The following ARHGAP15 variants were observed in gnomAD, a reference collection of about 807,000 sequenced individuals.
The protein encoded by ARHGAP15 is rho GTPase-activating protein 15.
Under a neutral mutation model 63.7 loss-of-function variants are expected in ARHGAP15, and 51 were observed. That is an observed-to-expected ratio of 0.80 (90% confidence interval 0.64 to 1.01). The LOEUF (loss-of-function observed/expected upper bound fraction) is 1.01. ARHGAP15 is among the 50% of genes least tolerant of loss of function. The probability of loss-of-function intolerance (pLI) is 0.00; values close to 1 mark genes in which losing one functional copy is unlikely to be tolerated. For missense variants in ARHGAP15, 560 were observed against 564.6 expected, an observed-to-expected ratio of 0.99 and a Z score of 0.08; for synonymous variants, 191 against 193.8, an observed-to-expected ratio of 0.99 and a Z score of 0.12.
chr2:143,256,302 G>A (rs1680424706), intron 6 of ARHGAP15, among the ~76,000 whole-genome samples: 1 of 152,204 alleles, frequency 6.6e-6, no homozygotes, highest in African/African-American at 2.4e-5. Context: ...GTAAATATCT[G>A]TGAAATGTAA....
chr2:143,384,848 C>A (rs988289555), intron 6 of ARHGAP15, among the ~76,000 whole-genome samples: 3 of 152,156 alleles, frequency 2.0e-5, no homozygotes, highest in Non-Finnish European at 2.9e-5. Context: ...CCTTACCTTA[C>A]CCCATTATGG....
chr2:143,729,345 A>T (rs143740644), intron 13 of ARHGAP15, among the ~76,000 whole-genome samples: 50 of 152,314 alleles, frequency 3.3e-4, no homozygotes, highest in African/African-American at 1.2e-3. Flanking sequence ...TTCACTGGTC[A>T]TTATTTCCTG....
chr2:143,375,430 C>A (rs540888969), intron 6 of ARHGAP15, among the ~76,000 whole-genome samples: 35 of 152,238 alleles, frequency 2.3e-4, no homozygotes, highest in South Asian at 2.1e-4. Flanking sequence ...TTCAGAACAA[C>A]ATAGCCCAAG....
rs184082643 is a variant in ARHGAP15, at chr2:143,323,584, T to C, written c.474+72984T>C. Among the ~76,000 whole-genome samples, 98 of 152,244 alleles carry C rather than the reference T, an allele frequency of 6.4e-4. 1 individual carries two copies. The highest frequency in any genetic ancestry group is 6.3e-3 in the Admixed American group (97 of 15,284). ...AAATGATTCAGTGGCCCATTCTGTT[T>C]TATTATATTTTCTAATTAAAAAGAA... On this transcript the variant is annotated intron_variant, in intron 6 of 13. Transcript: ENST00000295095.
At chr2:143,739,485 T>C (rs553755771) in intron 13 of ARHGAP15, among the ~76,000 whole-genome samples, 20 of 152,186 alleles carry the variant, frequency 1.3e-4, no homozygotes, top group East Asian at 9.7e-4. Flanking sequence ...AGGCAAGAAA[T>C]AGCGCCCAGA....
intron 3 of ARHGAP15, among the ~76,000 whole-genome samples, chr2:143,202,558 G>T (rs1187876673): frequency 1.3e-5 from 2 of 151,916 alleles, no homozygotes; most frequent in South Asian, 2.1e-4. Context: ...TCCAAGATGA[G>T]AAGGCAAGAG....
At chr2:143,329,560 C>T (rs1684412188) in intron 6 of ARHGAP15, among the ~76,000 whole-genome samples, 1 of 152,116 alleles carries the variant, frequency 6.6e-6, no homozygotes, top group Non-Finnish European at 1.5e-5. Flanking sequence ...CCTGTGAGAT[C>T]TCAAAGAGAG....
At chr2:143,385,499 T>A (rs1687242322) in intron 6 of ARHGAP15, among the ~76,000 whole-genome samples, 1 of 152,170 alleles carries the variant, frequency 6.6e-6, no homozygotes, top group Non-Finnish European at 1.5e-5. Context: ...TGGACACTCT[T>A]ACCAGCAGGC....
intron 9 of ARHGAP15, among the ~76,000 whole-genome samples, chr2:143,496,633 A>T (rs568613673): frequency 6.6e-6 from 1 of 152,354 alleles, no homozygotes; most frequent in East Asian, 1.9e-4. Context: ...AGCAAACAAC[A>T]ATGATAATCA....
At chr2:143,254,507 A>G (rs544368416) in intron 6 of ARHGAP15, among the ~76,000 whole-genome samples, 15 of 152,126 alleles carry the variant, frequency 9.9e-5, no homozygotes, top group Non-Finnish European at 2.1e-4. Context: ...AACCTTTCTG[A>G]GTTAAATATT....
At chr2:143,476,581 C>T (rs564917788) in intron 8 of ARHGAP15, among the ~76,000 whole-genome samples, 12 of 152,232 alleles carry the variant, frequency 7.9e-5, no homozygotes, top group East Asian at 7.7e-4. Context: ...ACTTTCTTTC[C>T]CACAACTTAA....
At chr2:143,732,710 A>T (rs1685587051) in intron 13 of ARHGAP15, among the ~76,000 whole-genome samples, 2 of 151,956 alleles carry the variant, frequency 1.3e-5, no homozygotes, top group African/African-American at 4.8e-5. Context: ...AGATTTTCAT[A>T]GAATTAAAAA....
At chr2:143,631,154 A>G (rs1317227979) in intron 12 of ARHGAP15, among the ~76,000 whole-genome samples, 1 of 152,098 alleles carries the variant, frequency 6.6e-6, no homozygotes, top group East Asian at 1.9e-4. Context: ...TCCATGTTAT[A>G]TTAGTTCATT....
intron 12 of ARHGAP15, among the ~76,000 whole-genome samples, chr2:143,677,384 C>T (rs1203180576): frequency 2.6e-5 from 4 of 152,150 alleles, no homozygotes; most frequent in African/African-American, 9.7e-5. Flanking sequence ...GGAACCCTCA[C>T]CCCTACTTGC....
At position 143,437,046 on chromosome 2, in the gene ARHGAP15, A is replaced by C. The variant is rs780480187; in HGVS notation, c.703+4A>C. On this transcript the variant is annotated splice_donor_region_variant and intron_variant, in intron 8 of 13. Coordinates refer to ENST00000295095, the MANE Select transcript of ARHGAP15 (RefSeq NM_018460.4). ...CCAGAGCACAGAAAATCTTTAAGTGAGTATTTTCTTTGACTTGCTCATTTT... is the reference window on the plus strand; with the variant it reads ...CCAGAGCACAGAAAATCTTTAAGTGCGTATTTTCTTTGACTTGCTCATTTT... 1 of 1,591,048 alleles carries C rather than the reference A, an allele frequency of 6.3e-7. No homozygotes were observed. Among genetic ancestry groups the C allele is most frequent in the Non-Finnish European group, 8.5e-7 (1 of 1,173,968 alleles).
At chr2:143,735,679 C>G (rs937955597) in intron 13 of ARHGAP15, among the ~76,000 whole-genome samples, 1 of 152,106 alleles carries the variant, frequency 6.6e-6, no homozygotes, top group African/African-American at 2.4e-5. Flanking sequence ...GCCCACTCAA[C>G]CACACAGACT....
chr2:143,238,611 T>C (rs1693745850), intron 5 of ARHGAP15, among the ~76,000 whole-genome samples: 1 of 152,168 alleles, frequency 6.6e-6, no homozygotes, highest in Non-Finnish European at 1.5e-5. Flanking sequence ...TAAATTAGTC[T>C]GATCATTGTG....
Position 143,552,355 on chromosome 2 carries a change from C to T in ARHGAP15, c.926-4053C>T, listed in dbSNP as rs572064675. The stretch of plus-strand genomic sequence containing the variant: ...AGTTTTCAACTATTTTTAACAGACT[C>T]ATCTGCATTGTCAAAAACTGTCCAT... On this transcript the variant is annotated intron_variant, in intron 10 of 13. Transcript: ENST00000295095. Among the ~76,000 whole-genome samples the T allele has an allele frequency of 2.6e-5, 4 of 152,280 alleles. No homozygotes were observed. In the South Asian group the frequency reaches 8.3e-4, roughly 32 times the overall value.
chr2:143,750,086 T>C (rs994012895), intron 13 of ARHGAP15, among the ~76,000 whole-genome samples: 2 of 152,206 alleles, frequency 1.3e-5, no homozygotes, highest in African/African-American at 4.8e-5. Context: ...TGAGTTCTAA[T>C]CTCCCTTTCC....
Sources: gnomAD v4.1 joint callset for allele counts (sites outside exome capture counted in the v4.1 genomes callset) on GRCh38, gnomAD v4.1.1 for gene constraint, MANE v1.5 for transcripts, NCBI Gene and HGNC (gene_info 2026-07-23, HGNC 2026-07-21) for gene names.